The following WDR7 variants were observed in gnomAD, a reference collection of about 807,000 sequenced individuals.
WDR7 encodes the protein WD repeat-containing protein 7.
Under a neutral mutation model 169.4 loss-of-function variants are expected in WDR7, and 46 were observed. That is an observed-to-expected ratio of 0.27 (90% CI 0.21 to 0.35). The LOEUF (loss-of-function observed/expected upper bound fraction) is 0.35, where lower values mean the gene tolerates loss of function less well. WDR7 is among the 10% of genes least tolerant of loss of function. WDR7 has a pLI of 1.00. For missense variants in WDR7, 1,534 were observed against 1,859.3 expected, an observed-to-expected ratio of 0.83 and a Z score of 3.22; for synonymous variants, 612 against 666.8, an observed-to-expected ratio of 0.92 and a Z score of 1.27.
intron 14 of WDR7, among the ~76,000 whole-genome samples, chr18:56,737,672 A>G (rs1181521657): frequency 6.6e-6 from 1 of 152,346 alleles, no homozygotes; most frequent in East Asian, 1.9e-4. Flanking sequence ...AATATAACCT[A>G]CTAAGAACAT....
At position 56,705,682 on chromosome 18, in the gene WDR7, T is replaced by A. The variant is rs568465548; in HGVS notation, c.1578+9220T>A. 4.7e-4 allele frequency among the ~76,000 whole-genome samples: 71 copies of A among 152,210 alleles called. No homozygotes were observed. In the South Asian group the frequency reaches 0.015, roughly 32 times the overall value. On this transcript the variant is annotated intron_variant, in intron 12 of 27. Coordinates refer to ENST00000254442, the MANE Select transcript of WDR7 (RefSeq NM_015285.3). The stretch of plus-strand genomic sequence containing the variant: ...GGATTTAGGCGGATCCTGGCAGGAA[T>A]TGGACATACATACATTACTTTGAAA...
chr18:56,903,695 C>T (rs1159067177), intron 21 of WDR7, among the ~76,000 whole-genome samples: 1 of 152,140 alleles, frequency 6.6e-6, no homozygotes. Flanking sequence ...GCTGGGATTA[C>T]AGATGTGAGC....
chr18:56,890,035 C>T (rs779685642), intron 21 of WDR7, among the ~76,000 whole-genome samples: 14 of 152,108 alleles, frequency 9.2e-5, no homozygotes, highest in Middle Eastern at 3.2e-3. Flanking sequence ...GTTTTTGTTG[C>T]TGTTTTCCCT....
chr18:56,986,164 GTGTGTGTGTGTGTGTA>G (rs2047716291), intron 26 of WDR7, among the ~76,000 whole-genome samples: 1 of 142,406 alleles, frequency 7.0e-6, no homozygotes, highest in Non-Finnish European at 1.6e-5. Context: ...GTGTGTGTGT[GTGTGTGTGTGTGTGTA>G]TACATATTCA....
intron 12 of WDR7, among the ~76,000 whole-genome samples, chr18:56,710,936 G>T (rs759280176): frequency 1.3e-5 from 2 of 152,000 alleles, no homozygotes; most frequent in African/African-American, 2.4e-5. Context: ...TGTCCAAGTT[G>T]ACAGGTAAAA....
At chr18:56,681,195 T>C in intron 3 of WDR7, 118 bp from the exon 4 acceptor site, 1 of 771,672 alleles carries the variant, frequency 1.3e-6, no homozygotes, top group Non-Finnish European at 2.1e-6. Flanking sequence ...AATAACTGTA[T>C]GCTACTTTTT....
chr18:56,945,460 G>C (rs934075241), intron 25 of WDR7, among the ~76,000 whole-genome samples: 2 of 152,232 alleles, frequency 1.3e-5, no homozygotes, highest in Non-Finnish European at 2.9e-5. Context: ...CATAAAATAT[G>C]TGTGTAGTTT....
chr18:56,703,830 G>A (rs1006503204), intron 12 of WDR7, among the ~76,000 whole-genome samples: 1 of 151,012 alleles, frequency 6.6e-6, no homozygotes, highest in African/African-American at 2.4e-5. Context: ...TGTTATCAAC[G>A]GTGGGAATGA....
At chr18:56,903,986 G>A (rs752603670) in intron 21 of WDR7, among the ~76,000 whole-genome samples, 10 of 152,064 alleles carry the variant, frequency 6.6e-5, no homozygotes, top group African/African-American at 2.2e-4. Context: ...TGCGGTTAAT[G>A]CAGTGTTTAG....
intron 16 of WDR7, among the ~76,000 whole-genome samples, chr18:56,764,492 A>G (rs1365465210): frequency 2.0e-5 from 3 of 152,122 alleles, no homozygotes; most frequent in Non-Finnish European, 4.4e-5. Context: ...GGAATGGCTA[A>G]ATCTAGCTAA....
intron 1 of WDR7, among the ~76,000 whole-genome samples, chr18:56,669,507 AC>A (rs1433936731): frequency 1.3e-5 from 2 of 152,170 alleles, no homozygotes; most frequent in Non-Finnish European, 2.9e-5. Flanking sequence ...AGATTTTGAT[AC>A]AAACATAAAT....
chr18:56,991,405 A>G (rs1016359738), intron 26 of WDR7, among the ~76,000 whole-genome samples: 3 of 152,136 alleles, frequency 2.0e-5, no homozygotes, highest in African/African-American at 7.2e-5. Context: ...TTGGCCTCCC[A>G]AAGTGCTAGG....
chr18:56,912,478 T>A (rs886700113), intron 21 of WDR7, among the ~76,000 whole-genome samples: 1 of 152,210 alleles, frequency 6.6e-6, no homozygotes, highest in Non-Finnish European at 1.5e-5. Flanking sequence ...GTACATTCTA[T>A]ACTAAATACT....
intron 19 of WDR7, among the ~76,000 whole-genome samples, chr18:56,785,331 A>C (rs1323206908): frequency 6.6e-6 from 1 of 152,250 alleles, no homozygotes; most frequent in Non-Finnish European, 1.5e-5. Flanking sequence ...TTAGAAATGC[A>C]AAACCTGTTT....
intron 25 of WDR7, among the ~76,000 whole-genome samples, chr18:56,954,025 TCAA>T (rs2047217216): frequency 6.6e-6 from 1 of 152,202 alleles, no homozygotes; most frequent in African/African-American, 2.4e-5. Context: ...ATGTAATGAC[TCAA>T]CTACTTTGGC....
At chr18:56,920,099 C>T (rs2145631365) in intron 21 of WDR7, among the ~76,000 whole-genome samples, 1 of 152,208 alleles carries the variant, frequency 6.6e-6, no homozygotes, top group African/African-American at 2.4e-5. Context: ...TACATACACA[C>T]AGTTTCTAGC....
intron 14 of WDR7, among the ~76,000 whole-genome samples, chr18:56,747,931 C>T (rs1007341560): frequency 1.6e-4 from 25 of 151,758 alleles, no homozygotes; most frequent in African/African-American, 5.8e-4. Flanking sequence ...TTCTCATTAT[C>T]AGTCTTATCC....
At chr18:56,935,645 C>A in intron 22 of WDR7, 143 bp from the exon 23 acceptor site, 1 of 730,656 alleles carries the variant, frequency 1.4e-6, no homozygotes, top group Non-Finnish European at 2.4e-6. Context: ...CTAATCACTG[C>A]CCATTGTTGC....
chr18:56,792,011 G>C (rs1395272510), intron 19 of WDR7, among the ~76,000 whole-genome samples: 1 of 151,870 alleles, frequency 6.6e-6, no homozygotes, highest in Non-Finnish European at 1.5e-5. Context: ...TTCCTAAGGG[G>C]TTTTCTTTTC....
Sources: allele counts gnomAD v4.1 joint callset (sites outside exome capture counted in the v4.1 genomes callset), GRCh38; gene constraint gnomAD v4.1.1; transcripts MANE v1.5; gene names NCBI Gene and HGNC (gene_info 2026-07-23, HGNC 2026-07-21).